The following EVC2 variants were observed in gnomAD, a reference collection of about 807,000 sequenced individuals.
EVC2 encodes the protein EvC ciliary complex subunit 2.
A neutral mutation model predicts 149.3 loss-of-function variants in EVC2; 148 were observed. The ratio of observed to expected loss-of-function variants is 0.99; its 90% confidence interval spans 0.87 to 1.14. The LOEUF (loss-of-function observed/expected upper bound fraction) is 1.14. Among genes scored for constraint, EVC2 ranks in the 50% most tolerant of loss-of-function variants. The pLI, the probability that EVC2 is intolerant of heterozygous loss-of-function variation, is 0.00. For synonymous variants in EVC2, 776 were observed against 649.9 expected (o/e 1.19, Z -2.95); for missense variants, 1,854 against 1,627.3 (o/e 1.14, Z -2.40).
In EVC2 at chr4:5,665,629, G is replaced by T. The variant is rs781091257; in HGVS notation, c.891C>A (p.Leu297=). Residue 297 remains leucine, a synonymous_variant, in exon 8 of 22, where the codon CTC becomes CTA. Transcript: ENST00000344408. ...ENVTVLPHHG[L]HAAGFFIAFL... is the part of the protein sequence containing the mutation. Reference sequence around the variant, plus strand: ...AGGCAATGAAGAACCCTGCTGCGTGGAGGCCGTGGTGCGGCAGAACCTGTG... The same window carrying T: ...AGGCAATGAAGAACCCTGCTGCGTGTAGGCCGTGGTGCGGCAGAACCTGTG... 6.2e-7 allele frequency: 1 copy of T among 1,614,206 alleles called. No individual in the cohort carries two copies.
In EVC2 at chr4:5,650,634, TATATAGAG is replaced by T. The variant is rs1271035989; in HGVS notation, c.1146-9804_1146-9797del. Among the ~76,000 whole-genome samples, 509 of 57,876 alleles carry T rather than the reference TATATAGAG, an allele frequency of 8.8e-3. 1 individual carries two copies. The highest frequency in any genetic ancestry group is 0.027 in the East Asian group (44 of 1,626). The allele number at this position is 57,876 out of a possible 152,430, so 38.0% of individuals were successfully genotyped here. A position where few individuals can be genotyped will look rare whatever the true frequency, so the allele number is the denominator to read the frequency against. ...ATATATATATATATATATATATATATATATAGAGAGAGAGAGAGAGAGAGAGAGAGAGA... is the reference window on the plus strand; with the variant it reads ...ATATATATATATATATATATATATATAGAGAGAGAGAGAGAGAGAGAGAGA... On this transcript the variant is annotated intron_variant, in intron 9 of 21. Coordinates refer to ENST00000344408, the MANE Select transcript of EVC2 (RefSeq NM_147127.5).
chr4:5,596,895 C>A (rs1277770059), intron 16 of EVC2, among the ~76,000 whole-genome samples: 3 of 152,160 alleles, frequency 2.0e-5, no homozygotes, highest in Non-Finnish European at 2.9e-5. Flanking sequence ...CACCACCGAT[C>A]CCATAGAAAT....
At chr4:5,583,255 C>A (rs1711963236) in intron 17 of EVC2, among the ~76,000 whole-genome samples, 1 of 152,148 alleles carries the variant, frequency 6.6e-6, no homozygotes, top group Admixed American at 6.5e-5. Context: ...CTGTATTCTG[C>A]TATTTTGTTT....
intron 1 of EVC2, among the ~76,000 whole-genome samples, chr4:5,700,347 T>C (rs181040578): frequency 7.2e-5 from 11 of 151,854 alleles, no homozygotes; most frequent in Admixed American, 6.6e-4. Context: ...AAAGCATCCA[T>C]TGGATGGTGC....
rs141733614 is a variant in EVC2, at chr4:5,688,579, T to C, written c.706+578A>G. Among the ~76,000 whole-genome samples, 752 of 152,230 alleles carry C rather than the reference T, an allele frequency of 4.9e-3. 5 individuals carry two copies. Among genetic ancestry groups the C allele is most frequent in the African/African-American group, 0.016 (667 of 41,544 alleles). On this transcript the variant is annotated intron_variant, in intron 5 of 21. Transcript: ENST00000344408. The stretch of plus-strand genomic sequence containing the variant: ...GTCTTAAACCTGCTTAATTGACCAA[T>C]AACAGCCCACCTCAGGAAACGAACC...
rs140190740 is a variant in EVC2, at chr4:5,569,698, G to A, written c.3361-1058C>T. 4.6e-5 allele frequency among the ~76,000 whole-genome samples: 7 copies of A among 152,134 alleles called. No individual in the cohort carries two copies. The East Asian group carries it at 5.8e-4, about 13-fold the overall frequency. On this transcript the variant is annotated intron_variant, in intron 19 of 21. Coordinates refer to ENST00000344408, the MANE Select transcript of EVC2 (RefSeq NM_147127.5). This position sits in a 1 kb window ranked among gnomAD's most constrained non-coding sequence, Gnocchi z 4.8. Reference sequence around the variant, plus strand: ...AGGTGCCGGAAGCCAAGGAGAGAACGTGTTCAGAAGGGTGGGCTGGGGGTT... The same window carrying A: ...AGGTGCCGGAAGCCAAGGAGAGAACATGTTCAGAAGGGTGGGCTGGGGGTT...
chr4:5,648,781 A>C (rs1253252898), intron 9 of EVC2, among the ~76,000 whole-genome samples: 1 of 152,194 alleles, frequency 6.6e-6, no homozygotes, highest in Non-Finnish European at 1.5e-5. Flanking sequence ...CACTATAGAT[A>C]ATCTGTCAGA....
At chr4:5,626,457 C>T (rs898549235) in intron 12 of EVC2, among the ~76,000 whole-genome samples, 29 of 151,920 alleles carry the variant, frequency 1.9e-4, no homozygotes, top group African/African-American at 5.8e-4. Flanking sequence ...CCTCAGCCTC[C>T]GGAGTAGTTG....
chr4:5,697,746 CTT>C (rs748171113), intron 1 of EVC2, 99 bp from the exon 2 acceptor site: 1,987 of 807,902 alleles, frequency 2.5e-3, no homozygotes, highest in Middle Eastern at 2.8e-3. Context: ...AGGACATGCA[CTT>C]TTTTTTTTTT....
At chr4:5,705,092 T>C (rs945729785) in intron 1 of EVC2, among the ~76,000 whole-genome samples, 3 of 152,202 alleles carry the variant, frequency 2.0e-5, no homozygotes, top group African/African-American at 4.8e-5. Context: ...ACATCATATC[T>C]GGCTGATTTT....
intron 16 of EVC2, among the ~76,000 whole-genome samples, chr4:5,600,775 G>C (rs1405594668): frequency 6.6e-6 from 1 of 152,084 alleles, no homozygotes; most frequent in Non-Finnish European, 1.5e-5. Context: ...CAGAAGAAAA[G>C]GATAAACATC....
chr4:5,667,359 T>A (rs568100488), intron 7 of EVC2, among the ~76,000 whole-genome samples: 17 of 151,638 alleles, frequency 1.1e-4, no homozygotes, highest in African/African-American at 2.4e-4. Context: ...TAATAATAAT[T>A]ATTATTATTA....
chr4:5,594,045 C>A (rs987496601), intron 16 of EVC2, among the ~76,000 whole-genome samples: 1 of 152,158 alleles, frequency 6.6e-6, no homozygotes, highest in Non-Finnish European at 1.5e-5. Context: ...CCCAGGCTTG[C>A]TTAGGTAAAC....
chr4:5,543,359 C>T (rs892365713), intron 21 of EVC2: 6 of 396,594 alleles, frequency 1.5e-5, no homozygotes, highest in African/African-American at 1.3e-4. Context: ...GGGTTAAATT[C>T]TCAGCCACTG....
At chr4:5,654,734 A>C (rs1316360646) in intron 9 of EVC2, among the ~76,000 whole-genome samples, 1 of 152,186 alleles carries the variant, frequency 6.6e-6, no homozygotes, top group East Asian at 1.9e-4. Context: ...CAGGGGTGTA[A>C]GGACACACTT....
At chr4:5,694,166 A>C (rs1273302416) in intron 3 of EVC2, among the ~76,000 whole-genome samples, 169 bp downstream of exon 3, 3 of 152,184 alleles carry the variant, frequency 2.0e-5, no homozygotes, top group Non-Finnish European at 4.4e-5. Flanking sequence ...CAGAAATAGC[A>C]CCTTGGAAAA....
chr4:5,620,690 A>C (rs2108836175), intron 14 of EVC2, among the ~76,000 whole-genome samples: 1 of 152,312 alleles, frequency 6.6e-6, no homozygotes, highest in Non-Finnish European at 1.5e-5. Context: ...CCCTTGGAAA[A>C]ATCATACACT....
intron 19 of EVC2, among the ~76,000 whole-genome samples, chr4:5,574,468 G>C (rs1039914240): frequency 6.6e-6 from 1 of 152,208 alleles, no homozygotes; most frequent in African/African-American, 2.4e-5. Context: ...ACATCGACTG[G>C]GGCACATGTG....
At chr4:5,652,789 T>C (rs1427003402) in intron 9 of EVC2, among the ~76,000 whole-genome samples, 7 of 152,150 alleles carry the variant, frequency 4.6e-5, no homozygotes, top group Non-Finnish European at 8.8e-5. Flanking sequence ...CCAGAATGAT[T>C]TGAAGATATG....
Sources: gnomAD v4.1 joint callset for allele counts (sites outside exome capture counted in the v4.1 genomes callset) on GRCh38, gnomAD v4.1.1 for gene constraint, Gnocchi (gnomAD v3.1) non-coding constraint, MANE v1.5 for transcripts, NCBI Gene and HGNC (gene_info 2026-07-23, HGNC 2026-07-21) for gene names.